PTPRD: variants seen among roughly 807,000 people sequenced by gnomAD.
PTPRD encodes protein tyrosine phosphatase receptor type D, also known as receptor-type tyrosine-protein phosphatase delta.
In PTPRD, 34 loss-of-function variants were observed where a neutral mutation model predicts 214.5. The observed-to-expected ratio is 0.16, with a 90% confidence interval of 0.12 to 0.21. The LOEUF (loss-of-function observed/expected upper bound fraction) is 0.21. Ranked by LOEUF, PTPRD falls within the 10% of genes least tolerant of loss-of-function variation. PTPRD has a pLI of 1.00. For missense variants in PTPRD, 2,545 were observed against 2,398.7 expected, an observed-to-expected ratio of 1.06 and a Z score of -1.27; for synonymous variants, 1,128 against 845.7, an observed-to-expected ratio of 1.33 and a Z score of -5.79.
At chr9:8,903,526 A>G (rs893947832) in intron 11 of PTPRD, among the ~76,000 whole-genome samples, 1 of 152,204 alleles carries the variant, frequency 6.6e-6, no homozygotes, top group African/African-American at 2.4e-5. Context: ...GCTTCAAATC[A>G]GTAGGTTTGA....
intron 14 of PTPRD, among the ~76,000 whole-genome samples, chr9:8,588,235 T>G (rs1227096821): frequency 6.6e-6 from 1 of 152,224 alleles, no homozygotes; most frequent in African/African-American, 2.4e-5. Flanking sequence ...ATTAACTTAA[T>G]TAGGCATGAT....
chr9:8,853,315 A>G (rs1395362857), intron 11 of PTPRD, among the ~76,000 whole-genome samples: 1 of 152,202 alleles, frequency 6.6e-6, no homozygotes, highest in Non-Finnish European at 1.5e-5. Flanking sequence ...ATCTGAGGCT[A>G]TAATTTCATA....
At chr9:9,840,241 C>A (rs2057956073) in intron 5 of PTPRD, among the ~76,000 whole-genome samples, 2 of 151,918 alleles carry the variant, frequency 1.3e-5, no homozygotes, top group South Asian at 4.1e-4. Flanking sequence ...TTTTAAACTC[C>A]TGGCCTCAAG....
At chr9:10,019,724 C>A (rs943042159) in intron 4 of PTPRD, among the ~76,000 whole-genome samples, 3 of 140,610 alleles carry the variant, frequency 2.1e-5, no homozygotes, top group Non-Finnish European at 4.6e-5. Flanking sequence ...GGGAATTGAA[C>A]AATGAGAACA....
intron 14 of PTPRD, among the ~76,000 whole-genome samples, chr9:8,541,686 G>T (rs564669525): frequency 6.6e-6 from 1 of 152,114 alleles, no homozygotes; most frequent in Non-Finnish European, 1.5e-5. Context: ...GTTTGTGTTT[G>T]TGTGTGTGTA....
intron 14 of PTPRD, among the ~76,000 whole-genome samples, chr9:8,624,339 C>A (rs1026810674): frequency 6.6e-6 from 1 of 151,828 alleles, no homozygotes; most frequent in African/African-American, 2.4e-5. Context: ...ATCCTATTTC[C>A]TTGTGAAAAG....
intron 5 of PTPRD, among the ~76,000 whole-genome samples, chr9:9,934,390 G>C (rs2088236926): frequency 6.9e-6 from 1 of 144,342 alleles, no homozygotes; most frequent in Non-Finnish European, 1.5e-5. Flanking sequence ...ATGATAAAGG[G>C]GATATCGCCA....
chr9:9,591,058 T>C (rs1198928326), intron 7 of PTPRD, among the ~76,000 whole-genome samples: 1 of 152,020 alleles, frequency 6.6e-6, no homozygotes, highest in Non-Finnish European at 1.5e-5. Context: ...TTACCTTCCA[T>C]TGCAAAAGGG....
At chr9:9,048,218 A>G (rs1258182356) in intron 10 of PTPRD, among the ~76,000 whole-genome samples, 4 of 152,172 alleles carry the variant, frequency 2.6e-5, no homozygotes, top group South Asian at 2.1e-4. Flanking sequence ...GTAAATTAGT[A>G]CAATCATTAC....
At chr9:10,126,338 T>C (rs1462818096) in intron 3 of PTPRD, among the ~76,000 whole-genome samples, 1 of 151,994 alleles carries the variant, frequency 6.6e-6, no homozygotes, top group Admixed American at 6.6e-5. Flanking sequence ...TCATACTTGT[T>C]TTAATTTTTT....
intron 10 of PTPRD, among the ~76,000 whole-genome samples, chr9:9,025,939 A>G (rs1200457268): frequency 6.6e-6 from 1 of 152,070 alleles, no homozygotes; most frequent in Non-Finnish European, 1.5e-5. Context: ...TAGAAATTAT[A>G]GTCCGCTCAG....
At chr9:9,669,281 A>C (rs575332280) in intron 7 of PTPRD, among the ~76,000 whole-genome samples, 1 of 152,284 alleles carries the variant, frequency 6.6e-6, no homozygotes, top group Admixed American at 6.5e-5. Flanking sequence ...GAGATACACA[A>C]GGAACACAAC....
chr9:9,024,348 G>GTTTTTTTTT (rs752607769), intron 10 of PTPRD, among the ~76,000 whole-genome samples: 1 of 64,168 alleles, frequency 1.6e-5, no homozygotes, highest in African/African-American at 4.1e-5. Context: ...GTTTTTTTTT[G>GTTTTTTTTT]TTTGTTTTTT....
intron 39 of PTPRD, among the ~76,000 whole-genome samples, chr9:8,369,704 T>C (rs2080949854): frequency 6.6e-6 from 1 of 152,032 alleles, no homozygotes; most frequent in Non-Finnish European, 1.5e-5. Flanking sequence ...GTTTCTCTTA[T>C]GAATAGAAAG....
At chr9:10,469,243 T>C (rs754843229) in intron 2 of PTPRD, among the ~76,000 whole-genome samples, 11 of 152,140 alleles carry the variant, frequency 7.2e-5, no homozygotes, top group Non-Finnish European at 1.3e-4. Flanking sequence ...TTCAGAATAT[T>C]CAGCACTTTT....
intron 9 of PTPRD, among the ~76,000 whole-genome samples, chr9:9,200,701 A>G (rs1335108206): frequency 6.6e-6 from 1 of 152,214 alleles, no homozygotes; most frequent in African/African-American, 2.4e-5. Context: ...AGATCTGCTA[A>G]AAGTGGATTC....
chr9:10,319,323 G>C (rs185164564), intron 3 of PTPRD, among the ~76,000 whole-genome samples: 70 of 152,134 alleles, frequency 4.6e-4, no homozygotes, highest in African/African-American at 1.5e-3. Context: ...TTCATACTGT[G>C]GTTTACAGTC....
At chr9:8,354,845 G>C (rs10815832) in intron 39 of PTPRD, among the ~76,000 whole-genome samples, 92,574 of 152,028 alleles carry the variant, frequency 0.61, 29,784 homozygotes, top group Non-Finnish European at 0.73. Context: ...AATCAATTTA[G>C]GCTGTAAGAA....
At chr9:10,382,001 A>T (rs1028461925) in intron 2 of PTPRD, among the ~76,000 whole-genome samples, 1 of 151,942 alleles carries the variant, frequency 6.6e-6, no homozygotes, top group African/African-American at 2.4e-5. Context: ...TTCCCAGTTC[A>T]CAAGTAAGAA....
Sources: allele counts gnomAD v4.1 joint callset (sites outside exome capture counted in the v4.1 genomes callset), GRCh38; gene constraint gnomAD v4.1.1; transcripts MANE v1.5; gene names NCBI Gene and HGNC (gene_info 2026-07-23, HGNC 2026-07-21).